Variants in CCDC171 observed in about 807,000 individuals in gnomAD.
The protein encoded by CCDC171 is coiled-coil domain containing 171.
A neutral mutation model predicts 168.2 loss-of-function variants in CCDC171; 177 were observed. The observed-to-expected ratio is 1.05, with a 90% confidence interval of 0.93 to 1.19. The LOEUF (loss-of-function observed/expected upper bound fraction) is 1.19, where lower values mean the gene tolerates loss of function less well. Among genes scored for constraint, CCDC171 ranks in the 50% most tolerant of loss-of-function variants. CCDC171 has a pLI of 0.00. For missense variants in CCDC171, 1,991 were observed against 1,539.0 expected, an observed-to-expected ratio of 1.29 and a Z score of -4.91; for synonymous variants, 687 against 540.8, an observed-to-expected ratio of 1.27 and a Z score of -3.75.
In CCDC171 at chr9:15,570,401, C is replaced by G. The variant is rs555750912; in HGVS notation, c.42-1223C>G. 1.2e-3 allele frequency among the ~76,000 whole-genome samples: 179 copies of G among 150,272 alleles called. 2 individuals carry two copies. The highest frequency in any genetic ancestry group is 4.2e-3 in the African/African-American group (170 of 40,670). ...ACAATGTTAGTTTTTTTTTTCCCCT[C>G]TTCTAAGTTGTCATCTTTCTGCATA... On this transcript the variant is annotated intron_variant, in intron 2 of 25. Coordinates refer to ENST00000380701, the MANE Select transcript of CCDC171 (RefSeq NM_173550.4).
chr9:16,048,620 C>T (rs1236062097), intron 1 of CCDC171, among the ~76,000 whole-genome samples: 1 of 152,094 alleles, frequency 6.6e-6, no homozygotes, highest in Non-Finnish European at 1.5e-5. Context: ...ATTTAGTAGC[C>T]AGTGTAACTT....
intron 4 of CCDC171, among the ~76,000 whole-genome samples, chr9:15,581,207 A>G (rs1301568372): frequency 6.6e-6 from 1 of 152,206 alleles, no homozygotes; most frequent in Non-Finnish European, 1.5e-5. Context: ...TAAAATACCT[A>G]GGAATCAACT....
At chr9:15,937,941 G>T (rs950061052) in intron 25 of CCDC171, among the ~76,000 whole-genome samples, 6 of 151,874 alleles carry the variant, frequency 4.0e-5, no homozygotes, top group Non-Finnish European at 4.4e-5. Flanking sequence ...TGGGTGAAGA[G>T]ATGGGTTGGT....
At chr9:15,999,857 G>A (rs1014766072) in intron 3 of CCDC171, among the ~76,000 whole-genome samples, 6 of 152,084 alleles carry the variant, frequency 3.9e-5, no homozygotes, top group Non-Finnish European at 7.4e-5. Flanking sequence ...ATGTCCCCAG[G>A]CTCCTATGAC....
rs746525664 is a variant in CCDC171, at chr9:15,777,585, T to C, written c.2672-15T>C. On this transcript the variant is annotated splice_polypyrimidine_tract_variant and intron_variant, in intron 18 of 25. Transcript: ENST00000380701. ...CAATTCACATTTTTGTGCCTTTTTTTCTTTTTCTTTGAAGATCCAAATTCC... is the reference window on the plus strand; with the variant it reads ...CAATTCACATTTTTGTGCCTTTTTTCCTTTTTCTTTGAAGATCCAAATTCC... 1.5e-5 allele frequency: 23 copies of C among 1,561,734 alleles called. No homozygotes were observed. In the East Asian group the frequency reaches 2.9e-4, roughly 20 times the overall value.
intron 23 of CCDC171, among the ~76,000 whole-genome samples, chr9:15,872,572 C>G (rs1284487613): frequency 3.3e-5 from 5 of 151,884 alleles, no homozygotes; most frequent in African/African-American, 1.2e-4. Context: ...TGAATTTTGT[C>G]ACAGAAAAAA....
At chr9:16,052,023 C>A (rs145898162) in intron 1 of CCDC171, among the ~76,000 whole-genome samples, 1 of 152,322 alleles carries the variant, frequency 6.6e-6, no homozygotes, top group African/African-American at 2.4e-5. Context: ...GGAGAAAAAC[C>A]TGCCCCCATG....
chr9:15,823,536 A>C (rs1162651739), intron 21 of CCDC171, among the ~76,000 whole-genome samples: 1 of 152,100 alleles, frequency 6.6e-6, no homozygotes, highest in East Asian at 1.9e-4. Flanking sequence ...ATATTATTTT[A>C]CTTAACAGTC....
Position 15,635,832 on chromosome 9 carries a change from G to C in CCDC171, c.822+12419G>C, listed in dbSNP as rs76967669. Among the ~76,000 whole-genome samples the C allele has an allele frequency of 7.9e-5, 12 of 152,212 alleles. No individual in the cohort carries two copies. The East Asian group carries it at 2.3e-3, about 29-fold the overall frequency. ...AGGAGAGGAATTGCTGGGTCACATG[G>C]TAACTATATGGTTAACATTTTGAGG... On this transcript the variant is annotated intron_variant, in intron 7 of 25. Transcript: ENST00000380701.
At chr9:15,812,675 C>A (rs2059406994) in intron 21 of CCDC171, among the ~76,000 whole-genome samples, 1 of 152,152 alleles carries the variant, frequency 6.6e-6, no homozygotes, top group African/African-American at 2.4e-5. Flanking sequence ...AGAACAGGTT[C>A]TTCCAGAATT....
chr9:15,893,586 A>C (rs1820499182), intron 24 of CCDC171, among the ~76,000 whole-genome samples: 1 of 152,202 alleles, frequency 6.6e-6, no homozygotes. Flanking sequence ...ATTTACAAGA[A>C]AAAACAAACA....
At chr9:15,624,307 T>A (rs1046571945) in intron 7 of CCDC171, among the ~76,000 whole-genome samples, 5 of 152,076 alleles carry the variant, frequency 3.3e-5, no homozygotes, top group African/African-American at 1.2e-4. Flanking sequence ...TGACAATTTT[T>A]TAAAATTAAT....
chr9:16,024,919 C>CT (rs1227056932), intron 6 of CCDC171, among the ~76,000 whole-genome samples: 1 of 152,212 alleles, frequency 6.6e-6, no homozygotes, highest in African/African-American at 2.4e-5. Context: ...ATGCCTGGGA[C>CT]TGAGGCAGTT....
chr9:16,084,403 C>T, the CCDC171 span, among the ~76,000 whole-genome samples: 1 of 152,176 alleles, frequency 6.6e-6, no homozygotes, highest in African/African-American at 2.4e-5. Flanking sequence ...TTCCGCACCT[C>T]TTCATCCCAG....
At chr9:15,565,795 C>A (rs1379155226) in intron 2 of CCDC171, among the ~76,000 whole-genome samples, 1 of 152,176 alleles carries the variant, frequency 6.6e-6, no homozygotes, top group African/African-American at 2.4e-5. Flanking sequence ...TTTTTGGGTA[C>A]TATGAATAAT....
chr9:16,080,423 A>C, the CCDC171 span, among the ~76,000 whole-genome samples: 1 of 151,804 alleles, frequency 6.6e-6, no homozygotes, highest in Non-Finnish European at 1.5e-5. Context: ...GTTCTTTTTT[A>C]TTTCTGTTAA....
At chr9:15,920,165 G>T in intron 24 of CCDC171, 105 bp from the exon 25 acceptor site, 1 of 611,340 alleles carries the variant, frequency 1.6e-6, no homozygotes, top group Non-Finnish European at 2.6e-6. Context: ...AAGATGAAAA[G>T]TTGTTTATTT....
chr9:16,055,161 C>A (rs1554716462), intron 1 of CCDC171, among the ~76,000 whole-genome samples: 1 of 152,126 alleles, frequency 6.6e-6, no homozygotes, highest in Non-Finnish European at 1.5e-5. Context: ...ATGGAGATGT[C>A]ATTTATGGAG....
intron 25 of CCDC171, among the ~76,000 whole-genome samples, chr9:15,928,440 C>A (rs898136531): frequency 6.6e-6 from 1 of 151,668 alleles, no homozygotes; most frequent in East Asian, 1.9e-4. Flanking sequence ...AGAGATGACA[C>A]TGGAGGAGAA....
Sources: allele counts gnomAD v4.1 joint callset (sites outside exome capture counted in the v4.1 genomes callset), GRCh38; gene constraint gnomAD v4.1.1; transcripts MANE v1.5; gene names NCBI Gene and HGNC (gene_info 2026-07-23, HGNC 2026-07-21).